NOP58: variants seen among roughly 807,000 people sequenced by gnomAD.
NOP58 encodes the protein nucleolar protein 58.
A neutral mutation model predicts 71.2 loss-of-function variants in NOP58; 44 were observed. The ratio of observed to expected loss-of-function variants is 0.62; its 90% CI spans 0.49 to 0.79. The LOEUF (loss-of-function observed/expected upper bound fraction) is 0.79. NOP58 is among the 30% of genes least tolerant of loss of function. NOP58 has a pLI of 0.00. For synonymous variants in NOP58, 228 were observed against 200.3 expected, an observed-to-expected ratio of 1.14 and a Z score of -1.17; for missense variants, 538 against 620.2, an observed-to-expected ratio of 0.87 and a Z score of 1.41.
intron 7 of NOP58, among the ~76,000 whole-genome samples, chr2:202,290,865 C>T (rs1688874164): frequency 6.6e-6 from 1 of 152,076 alleles, no homozygotes; most frequent in South Asian, 2.1e-4. Context: ...CACTTATATT[C>T]TGTAATAAGT....
chr2:202,278,079 G>T (rs1688636884), intron 3 of NOP58, 77 bp downstream of exon 3: 1 of 872,300 alleles, frequency 1.1e-6, no homozygotes. Context: ...TTAAAAGGTT[G>T]TTTGCTTCAG....
chr2:202,285,288 C>T (rs1381110098), intron 5 of NOP58, among the ~76,000 whole-genome samples: 7 of 151,768 alleles, frequency 4.6e-5, no homozygotes, highest in Admixed American at 6.6e-5. Flanking sequence ...ATGATCCATC[C>T]GCCTTGGCCT....
chr2:202,289,689 T>C (rs760320170), intron 6 of NOP58, among the ~76,000 whole-genome samples: 9 of 152,172 alleles, frequency 5.9e-5, no homozygotes, highest in Admixed American at 1.3e-4. Context: ...GAAAATATGC[T>C]AAGTGAAATA....
intron 13 of NOP58, among the ~76,000 whole-genome samples, chr2:202,302,689 T>A (rs757881040): frequency 6.6e-6 from 1 of 152,232 alleles, no homozygotes; most frequent in Non-Finnish European, 1.5e-5. Flanking sequence ...GTTTTAATCC[T>A]GATTTTTATA....
intron 9 of NOP58, among the ~76,000 whole-genome samples, 153 bp from the exon 10 acceptor site, chr2:202,295,521 A>G (rs1056410056): frequency 6.6e-6 from 1 of 152,194 alleles, no homozygotes; most frequent in Non-Finnish European, 1.5e-5. Context: ...TGAAACATCA[A>G]GATTTTTAGG....
At chr2:202,293,164 G>A in intron 9 of NOP58, 1 of 653,350 alleles carries the variant, frequency 1.5e-6, no homozygotes, top group Non-Finnish European at 2.9e-6. Context: ...GTTTGTTAGG[G>A]TTAATTAGAA....
chr2:202,284,293 T>A lies in NOP58; in HGVS notation c.298-52T>A, dbSNP rs956329473. ...GTCTCAAAAAATAATAATAACAACT[T>A]CAGGAAAGTCTTTTTTTTTTTAATT... On this transcript the variant is annotated intron_variant, in intron 4 of 14. Coordinates refer to ENST00000264279, the MANE Select transcript of NOP58 (RefSeq NM_015934.5). 9.8e-6 allele frequency: 14 copies of A among 1,427,078 alleles called. No homozygotes were observed. The African/African-American group carries it at 1.9e-4, about 19-fold the overall frequency. The allele number at this position is 1,427,078 out of a possible 1,614,324, so 88.4% of individuals were successfully genotyped here.
At chr2:202,267,579 A>ATTAC (rs368848655) in intron 1 of NOP58, among the ~76,000 whole-genome samples, 23 of 152,298 alleles carry the variant, frequency 1.5e-4, no homozygotes, top group African/African-American at 5.5e-4. Flanking sequence ...TCTTATCTAA[A>ATTAC]TTACCATGTA....
intron 1 of NOP58, among the ~76,000 whole-genome samples, chr2:202,270,511 C>T (rs1158017041): frequency 6.6e-6 from 1 of 152,186 alleles, no homozygotes; most frequent in African/African-American, 2.4e-5. Context: ...AGGTTGGGTG[C>T]AGTGGCTCAC....
chr2:202,267,995 T>C (rs1040471801), intron 1 of NOP58, among the ~76,000 whole-genome samples: 16 of 152,168 alleles, frequency 1.1e-4, no homozygotes, highest in African/African-American at 3.9e-4. Context: ...AGTTTGTAAT[T>C]ATTGGAATTA....
intron 3 of NOP58, among the ~76,000 whole-genome samples, chr2:202,279,742 C>G (rs1261776157): frequency 6.6e-6 from 1 of 152,170 alleles, no homozygotes; most frequent in Non-Finnish European, 1.5e-5. Context: ...AGCACTGAGC[C>G]AAGATTGCAC....
At position 202,284,341 on chromosome 2, in the gene NOP58, G is replaced by T. The variant is rs374549750; in HGVS notation, c.298-4G>T. On this transcript the variant is annotated splice_region_variant and splice_polypyrimidine_tract_variant and intron_variant, in intron 4 of 14. Coordinates refer to ENST00000264279, the MANE Select transcript of NOP58 (RefSeq NM_015934.5). The stretch of plus-strand genomic sequence containing the variant: ...ATTTAATATAGATGTTCATGTTCTT[G>T]TAGGAAAAGCTGAATCTCAGTTGTA... 6 of 1,588,984 alleles carry T rather than the reference G, an allele frequency of 3.8e-6. No homozygotes were observed. In the African/African-American group the frequency reaches 5.4e-5, roughly 14 times the overall value.
At chr2:202,280,488 T>C (rs1010615684) in intron 3 of NOP58, among the ~76,000 whole-genome samples, 3 of 152,112 alleles carry the variant, frequency 2.0e-5, no homozygotes, top group Admixed American at 1.3e-4. Context: ...GATACCACCA[T>C]GTCCAGCTAA....
chr2:202,267,155 C>T (rs1199465613), intron 1 of NOP58, among the ~76,000 whole-genome samples: 6 of 152,130 alleles, frequency 3.9e-5, no homozygotes, highest in Admixed American at 3.9e-4. Context: ...CGGTGCAACT[C>T]TTCTGAGGTC....
chr2:202,287,530 A>C, intron 5 of NOP58, 130 bp from the exon 6 acceptor site: 1 of 630,546 alleles, frequency 1.6e-6, no homozygotes, highest in Non-Finnish European at 2.8e-6. Context: ...TTCTTCTTAG[A>C]AAAACCAATT....
chr2:202,302,031 T>C (rs1396753835), intron 13 of NOP58, among the ~76,000 whole-genome samples: 2 of 151,998 alleles, frequency 1.3e-5, no homozygotes, highest in Non-Finnish European at 1.5e-5. Flanking sequence ...ATGAATATTA[T>C]TTGGTTGCTG....
chr2:202,280,932 C>G (rs1688691706), intron 3 of NOP58, among the ~76,000 whole-genome samples: 1 of 151,688 alleles, frequency 6.6e-6, no homozygotes, highest in African/African-American at 2.4e-5. Flanking sequence ...ACCATGTTGC[C>G]TAGGATGGTC....
intron 2 of NOP58, chr2:202,276,589 C>T (rs992047856): frequency 7.4e-6 from 3 of 405,330 alleles, no homozygotes; most frequent in Admixed American, 4.9e-5. Context: ...CCTGTAATCC[C>T]AGCATTTTGG....
chr2:202,269,901 T>C (rs1215328734), intron 1 of NOP58, among the ~76,000 whole-genome samples: 1 of 152,216 alleles, frequency 6.6e-6, no homozygotes, highest in Non-Finnish European at 1.5e-5. Context: ...ATGTAACTGA[T>C]AGGACTGAGG....
Sources: allele counts gnomAD v4.1 joint callset (sites outside exome capture counted in the v4.1 genomes callset), GRCh38; gene constraint gnomAD v4.1.1; transcripts MANE v1.5; gene names NCBI Gene and HGNC (gene_info 2026-07-23, HGNC 2026-07-21).